Variants in PLS1 observed in about 807,000 individuals in gnomAD.
The protein encoded by PLS1 is plastin 1.
PLS1 carries 32 observed loss-of-function variants against 73.7 expected under a neutral mutation model. That is an observed-to-expected ratio of 0.43 (90% confidence interval 0.33 to 0.58). The LOEUF (loss-of-function observed/expected upper bound fraction) is 0.58, where lower values mean the gene tolerates loss of function less well. PLS1 is among the 20% of genes least tolerant of loss of function. The pLI is 0.04. For synonymous variants in PLS1, 217 were observed against 261.3 expected, an observed-to-expected ratio of 0.83 and a Z score of 1.63; for missense variants, 633 against 740.5, an observed-to-expected ratio of 0.85 and a Z score of 1.68.
At chr3:142,630,519 G>A (rs189956928) in intron 1 of PLS1, among the ~76,000 whole-genome samples, 214 of 151,910 alleles carry the variant, frequency 1.4e-3, no homozygotes, top group African/African-American at 4.3e-3. Flanking sequence ...TTGGGAGGCC[G>A]AGGTGGGCAG....
chr3:142,644,668 G>GT (rs1287580525), intron 1 of PLS1, among the ~76,000 whole-genome samples: 2 of 152,152 alleles, frequency 1.3e-5, no homozygotes, highest in African/African-American at 4.8e-5. Context: ...TCTAAATGCT[G>GT]TTTTTCTTAA....
At chr3:142,643,182 G>A (rs970825810) in intron 1 of PLS1, among the ~76,000 whole-genome samples, 1 of 152,164 alleles carries the variant, frequency 6.6e-6, no homozygotes, top group Non-Finnish European at 1.5e-5. Flanking sequence ...AGGGAACAAG[G>A]CCTTGGAGAA....
At position 142,692,860 on chromosome 3, in the gene PLS1, A is replaced by G. The variant is rs186150138; in HGVS notation, c.1178-1609A>G. 2.6e-5 allele frequency among the ~76,000 whole-genome samples: 4 copies of G among 151,006 alleles called. No individual in the cohort carries two copies. In the East Asian group the frequency reaches 7.7e-4, roughly 29 times the overall value. On this transcript the variant is annotated intron_variant, in intron 10 of 15. Transcript: ENST00000457734. ...AAACATATATATATATATCTTTATG[A>G]TAGATAGAGAAACAACTGAGAGGTA... is the stretch of plus-strand genomic sequence containing the variant.
chr3:142,611,223 G>T (rs943853442), intron 1 of PLS1, among the ~76,000 whole-genome samples: 6 of 152,210 alleles, frequency 3.9e-5, no homozygotes, highest in African/African-American at 1.4e-4. Flanking sequence ...TATGCAAGCA[G>T]GCAGTGGACC....
At chr3:142,660,613 C>A (rs2037349456) in intron 1 of PLS1, among the ~76,000 whole-genome samples, 1 of 152,178 alleles carries the variant, frequency 6.6e-6, no homozygotes, top group African/African-American at 2.4e-5. Context: ...TGTGTAACTT[C>A]CACACCATTG....
At chr3:142,617,699 C>T (rs1296005570) in intron 1 of PLS1, among the ~76,000 whole-genome samples, 5 of 152,090 alleles carry the variant, frequency 3.3e-5, no homozygotes, top group African/African-American at 4.8e-5. Context: ...TACACCTGGC[C>T]GGGCATAATG....
chr3:142,608,944 A>G (rs999016307), intron 1 of PLS1, among the ~76,000 whole-genome samples: 28 of 152,200 alleles, frequency 1.8e-4, no homozygotes, highest in African/African-American at 6.5e-4. Context: ...TGCTCAATGT[A>G]TGTCTTAGTT....
At chr3:142,664,159 T>C in intron 1 of PLS1, 43 bp from the exon 2 acceptor site, 1 of 778,930 alleles carries the variant, frequency 1.3e-6, no homozygotes, top group East Asian at 2.5e-5. Context: ...AGTTAAATGT[T>C]TCCAAAGGCT....
chr3:142,700,844 G>C (rs1410345355), intron 12 of PLS1, among the ~76,000 whole-genome samples: 1 of 152,158 alleles, frequency 6.6e-6, no homozygotes, highest in Non-Finnish European at 1.5e-5. Context: ...TTGAATCATG[G>C]GGGCAGTTCC....
At chr3:142,610,436 A>G (rs1167839104) in intron 1 of PLS1, among the ~76,000 whole-genome samples, 1 of 152,218 alleles carries the variant, frequency 6.6e-6, no homozygotes, top group Non-Finnish European at 1.5e-5. Context: ...GATTCGGATC[A>G]TACTTAAATA....
chr3:142,634,305 C>G (rs1274404271), intron 1 of PLS1, among the ~76,000 whole-genome samples: 1 of 151,916 alleles, frequency 6.6e-6, no homozygotes, highest in African/African-American at 2.4e-5. Context: ...ACCTATAAAC[C>G]CAAAGATCCA....
chr3:142,698,424 G>C (rs1312880858), intron 12 of PLS1: 1 of 148,766 alleles, frequency 6.7e-6, no homozygotes, highest in Non-Finnish European at 1.4e-5. Context: ...CCTATACAGT[G>C]TTATGCAGGA....
intron 1 of PLS1, among the ~76,000 whole-genome samples, chr3:142,655,469 C>G (rs1001375462): frequency 6.6e-6 from 1 of 152,070 alleles, no homozygotes; most frequent in African/African-American, 2.4e-5. Flanking sequence ...GCCTGTAATC[C>G]CAGCACTTTG....
At chr3:142,693,532 A>G (rs1162080017) in intron 10 of PLS1, among the ~76,000 whole-genome samples, 3 of 152,318 alleles carry the variant, frequency 2.0e-5, no homozygotes. Flanking sequence ...GAGTCTGCTG[A>G]TAAGATGTAA....
At chr3:142,670,919 G>A (rs1317534673) in intron 3 of PLS1, 74 bp from the exon 4 acceptor site, 4 of 974,260 alleles carry the variant, frequency 4.1e-6, no homozygotes, top group South Asian at 1.5e-5. Context: ...AAATAAAGAA[G>A]TGTAAATAAA....
intron 3 of PLS1, among the ~76,000 whole-genome samples, chr3:142,670,484 A>T (rs2037581905): frequency 6.9e-6 from 1 of 145,798 alleles, no homozygotes; most frequent in African/African-American, 2.8e-5. Context: ...TTTGCATTTA[A>T]AAAAAAACCC....
chr3:142,620,921 G>A (rs1455993598), intron 1 of PLS1, among the ~76,000 whole-genome samples: 1 of 152,134 alleles, frequency 6.6e-6, no homozygotes, highest in Non-Finnish European at 1.5e-5. Flanking sequence ...GAGAGGCTGA[G>A]GCAGAAGAAT....
intron 9 of PLS1, among the ~76,000 whole-genome samples, chr3:142,688,856 G>C (rs999726677): frequency 1.3e-5 from 2 of 152,088 alleles, no homozygotes; most frequent in Non-Finnish European, 2.9e-5. Flanking sequence ...ATTGTGAAAG[G>C]TGCTTTTCCC....
At position 142,711,945 on chromosome 3, in the gene PLS1, C is replaced by A. The variant is rs369992185; in HGVS notation, c.1828C>A (p.Pro610Thr). ...ALPDDLVEVK[P>T]KMVMTVFACL... is the part of the protein sequence containing the mutation. ...ACCTGATGACCTCGTAGAAGTGAAA[C>A]CAAAGATGGTTATGACGGTGTTTGC... is the stretch of plus-strand genomic sequence containing the variant. The change falls in exon 16 of 16, where the codon CCA (proline) becomes ACA (threonine). Residue 610 changes from proline to threonine, a missense_variant. Physicochemically the swap from Pro to Thr is conservative, Grantham distance 38 (BLOSUM62 -1). Transcript: ENST00000457734. 6.2e-7 allele frequency: 1 copy of A among 1,613,192 alleles called. No homozygotes were observed. The highest frequency in any genetic ancestry group is 1.7e-5 in the Admixed American group (1 of 59,996).
Sources: gnomAD v4.1 joint callset for allele counts (sites outside exome capture counted in the v4.1 genomes callset) on GRCh38, gnomAD v4.1.1 for gene constraint, MANE v1.5 for transcripts, NCBI Gene and HGNC (gene_info 2026-07-23, HGNC 2026-07-21) for gene names.